The following MCUB variants were observed in gnomAD, a reference collection of about 807,000 sequenced individuals.
MCUB encodes the protein calcium uniporter regulatory subunit MCUb, mitochondrial.
Under a neutral mutation model 41.4 loss-of-function variants are expected in MCUB, and 46 were observed. That is an observed-to-expected ratio of 1.11 (90% confidence interval 0.88 to 1.42). The LOEUF is 1.42. Ranked by LOEUF, MCUB falls within the 40% of genes most tolerant of loss-of-function variation. MCUB has a pLI of 0.00. For missense variants in MCUB, 403 were observed against 404.9 expected, an observed-to-expected ratio of 1.00 and a Z score of 0.04; for synonymous variants, 148 against 148.2, an observed-to-expected ratio of 1.00 and a Z score of 0.01.
chr4:109,560,598 CG>C (rs1726600568), intron 1 of MCUB, among the ~76,000 whole-genome samples, 162 bp downstream of exon 1: 1 of 152,190 alleles, frequency 6.6e-6, no homozygotes, highest in Non-Finnish European at 1.5e-5. Context: ...GGTGGCCGGG[CG>C]GCCGACGTGG....
intron 1 of MCUB, among the ~76,000 whole-genome samples, chr4:109,586,412 C>T (rs1444509318): frequency 5.9e-5 from 9 of 152,110 alleles, no homozygotes; most frequent in African/African-American, 1.7e-4. Flanking sequence ...TTCTTTAGCT[C>T]GGAGTAGTTT....
At chr4:109,577,040 C>T (rs2126125815) in intron 1 of MCUB, among the ~76,000 whole-genome samples, 1 of 152,218 alleles carries the variant, frequency 6.6e-6, no homozygotes, top group South Asian at 2.1e-4. Context: ...TTAGTAGAGC[C>T]AGGGTTTCGC....
chr4:109,632,229 T>G (rs985263240), intron 1 of MCUB, among the ~76,000 whole-genome samples: 1 of 152,200 alleles, frequency 6.6e-6, no homozygotes, highest in East Asian at 1.9e-4. Flanking sequence ...TGTATCTGTT[T>G]CATATTCTTC....
chr4:109,617,746 TA>T (rs1348244736), intron 1 of MCUB, among the ~76,000 whole-genome samples: 2 of 152,250 alleles, frequency 1.3e-5, no homozygotes, highest in African/African-American at 4.8e-5. Context: ...CTGTTATAAA[TA>T]ATGTTACAGT....
In MCUB at chr4:109,560,349, G is replaced by C; in HGVS notation, c.12G>C (p.Arg4Ser). ...CCTGGGGCGGGAGGATGCTCCAGAG[G>C]GGCCTCTGGCCGTGGCGCACGCGGC... is the stretch of plus-strand genomic sequence containing the variant. Reference protein sequence around the residue: MLQRGLWPWRTRLL... With the variant: MLQSGLWPWRTRLL... The change falls in exon 1 of 8, where the codon AGG becomes AGC. Residue 4 changes from arginine to serine, a missense_variant. By Grantham distance (110) the Arg-to-Ser change is moderately radical. Transcript: ENST00000394650. 1.5e-6 allele frequency: 2 copies of C among 1,303,596 alleles called. No individual in the cohort carries two copies. The highest frequency in any genetic ancestry group is 9.7e-7 in the Non-Finnish European group (1 of 1,026,748). The allele number at this position is 1,303,596 out of a possible 1,614,324, so 80.8% of individuals were successfully genotyped here.
rs753669362 is a variant in MCUB, at chr4:109,560,312, G to C, written c.-26G>C. ...GGGAGGATGCGCCGCTGACGCCTGC[G>C]GGAGCCGCGCGCCTGGGGCGGGAGG... is the stretch of plus-strand genomic sequence containing the variant. On this transcript the variant is annotated 5_prime_UTR_variant, in exon 1 of 8. Transcript: ENST00000394650. 8.4e-7 allele frequency: 1 copy of C among 1,188,150 alleles called. No individual in the cohort carries two copies. The highest frequency in any genetic ancestry group is 1.6e-5 in the African/African-American group (1 of 62,966). 73.6% of individuals were successfully genotyped at this position (1,188,150 alleles called of 1,614,324 possible). A position where few individuals can be genotyped will look rare whatever the true frequency, so the allele number is the denominator to read the frequency against.
rs142421306 is a variant in MCUB at position 109,645,532 on chromosome 4, C to G, written c.100-13479C>G. On this transcript the variant is annotated intron_variant, in intron 1 of 7. Transcript: ENST00000394650. ...AAAAAAGAAAAAAAAAAAAAACTTC[C>G]CATGAGTTGATTTGTATCCTCTTCT... Among the ~76,000 whole-genome samples the G allele has an allele frequency of 3.8e-3, 571 of 151,916 alleles. 17 individuals carry two copies. The South Asian group carries it at 0.06, about 16-fold the overall frequency.
chr4:109,591,553 C>T (rs1487249540), intron 1 of MCUB, among the ~76,000 whole-genome samples: 1 of 152,050 alleles, frequency 6.6e-6, no homozygotes, highest in Non-Finnish European at 1.5e-5. Flanking sequence ...AGACCTCTTT[C>T]AGTAGACTTG....
At chr4:109,626,724 T>A (rs10017027) in intron 1 of MCUB, among the ~76,000 whole-genome samples, 104,929 of 150,182 alleles carry the variant, frequency 0.7, 36,792 homozygotes, top group African/African-American at 0.76. Context: ...GAGGCAGGAG[T>A]ATCAGTTGAA....
chr4:109,615,661 G>A (rs945969827), intron 1 of MCUB, among the ~76,000 whole-genome samples: 4 of 151,990 alleles, frequency 2.6e-5, no homozygotes, highest in Non-Finnish European at 4.4e-5. Context: ...CGCCCGCCTC[G>A]GCCTCCCAAA....
At chr4:109,602,833 C>A (rs554507663) in intron 1 of MCUB, among the ~76,000 whole-genome samples, 1 of 152,122 alleles carries the variant, frequency 6.6e-6, no homozygotes, top group Non-Finnish European at 1.5e-5. Flanking sequence ...TTCTTCTAAT[C>A]GATGAACATG....
intron 1 of MCUB, among the ~76,000 whole-genome samples, chr4:109,592,320 G>C (rs1727455807): frequency 6.6e-6 from 1 of 151,900 alleles, no homozygotes; most frequent in Non-Finnish European, 1.5e-5. Context: ...TGAGGCAGGA[G>C]AATTGCTTGA....
intron 1 of MCUB, among the ~76,000 whole-genome samples, chr4:109,583,591 A>C (rs1488992414): frequency 6.6e-6 from 1 of 152,218 alleles, no homozygotes. Context: ...CAGAACTTCC[A>C]ACACTGTGTT....
intron 4 of MCUB, chr4:109,681,390 G>T (rs1729713258): frequency 2.3e-6 from 1 of 439,864 alleles, no homozygotes; most frequent in Non-Finnish European, 4.6e-6. Context: ...AGCTGAAAAG[G>T]GTCTAAAGTT....
At chr4:109,604,623 G>A (rs1016638910) in intron 1 of MCUB, among the ~76,000 whole-genome samples, 35 of 152,168 alleles carry the variant, frequency 2.3e-4, no homozygotes, top group African/African-American at 7.0e-4. Flanking sequence ...TCAGTTTTTC[G>A]TCATTCAGTA....
chr4:109,677,800 AAAT>A (rs1258716941), intron 4 of MCUB, among the ~76,000 whole-genome samples: 1 of 118,980 alleles, frequency 8.4e-6, no homozygotes, highest in African/African-American at 3.6e-5. Context: ...ATAAGGAAAC[AAAT>A]TTTTTTTTTT....
intron 1 of MCUB, among the ~76,000 whole-genome samples, chr4:109,613,123 A>C (rs1475079023): frequency 6.6e-6 from 1 of 152,158 alleles, no homozygotes; most frequent in Non-Finnish European, 1.5e-5. Flanking sequence ...AAAAAAAAGA[A>C]TACAGGAATT....
intron 1 of MCUB, among the ~76,000 whole-genome samples, chr4:109,653,797 A>C (rs758027898): frequency 5.3e-5 from 8 of 151,702 alleles, no homozygotes; most frequent in Non-Finnish European, 1.0e-4. Context: ...TTGGTCTTGA[A>C]CTCCTGACAT....
At chr4:109,644,702 C>T (rs1453212093) in intron 1 of MCUB, among the ~76,000 whole-genome samples, 1 of 152,156 alleles carries the variant, frequency 6.6e-6, no homozygotes, top group African/African-American at 2.4e-5. Context: ...TTGATGTATA[C>T]TTTGCAGTTT....
Sources: gnomAD v4.1 joint callset for allele counts (sites outside exome capture counted in the v4.1 genomes callset) on GRCh38, gnomAD v4.1.1 for gene constraint, MANE v1.5 for transcripts, NCBI Gene and HGNC (gene_info 2026-07-23, HGNC 2026-07-21) for gene names.